SLC6A16: variants seen among roughly 807,000 people sequenced by gnomAD.
The protein encoded by SLC6A16 is solute carrier family 6 member 16, also known as orphan sodium- and chloride-dependent neurotransmitter transporter NTT5.
SLC6A16 carries 54 observed loss-of-function variants against 65.4 expected under a neutral mutation model. The observed-to-expected ratio is 0.83, with a 90% CI of 0.66 to 1.04. SLC6A16 has a LOEUF of 1.04. SLC6A16 is among the 50% of genes least tolerant of loss of function. SLC6A16 has a pLI of 0.00. For synonymous variants in SLC6A16, 330 were observed against 346.5 expected (o/e 0.95, Z 0.53); for missense variants, 816 against 914.0 (o/e 0.89, Z 1.38).
chr19:49,332,029 T>C, the SLC6A16 span: 2 of 452,422 alleles, frequency 4.4e-6, no homozygotes, highest in South Asian at 1.6e-5. Flanking sequence ...ACTTACTACT[T>C]AGAACAACAG....
chr19:49,327,256 G>A (rs1312107921), upstream of SLC6A16, among the ~76,000 whole-genome samples: 3 of 151,744 alleles, frequency 2.0e-5, no homozygotes, highest in Non-Finnish European at 4.4e-5. Context: ...CATATTTTTA[G>A]TAGAGTCAGG....
In SLC6A16 at chr19:49,308,888, C is replaced by T. The variant is rs755520021; in HGVS notation, c.1217G>A (p.Arg406His). The T allele has an allele frequency of 1.1e-5, 18 of 1,614,062 alleles. No homozygotes were observed. The highest frequency in any genetic ancestry group is 5.5e-5 in the South Asian group (5 of 91,078). ...LGFWATVITH[R>H]CCERNAEILL... ...GGGCCGGCCTTACCTCTCACAGCAGCGATGTGTGATGACTGTCGCCCAGAA... is the reference window on the plus strand; with the variant it reads ...GGGCCGGCCTTACCTCTCACAGCAGTGATGTGTGATGACTGTCGCCCAGAA... Residue 406 changes from arginine (R) to histidine (H), a missense_variant, in exon 7 of 12, where the codon CGC becomes CAC. Arg to His is a conservative substitution (Grantham distance 29). Transcript: ENST00000335875.
chr19:49,338,939 G>T, the SLC6A16 span: 1 of 1,610,018 alleles, frequency 6.2e-7, no homozygotes, highest in Non-Finnish European at 8.5e-7. The surrounding 1 kb of genome is among the most constrained non-coding windows in gnomAD (Gnocchi z 5.0). Flanking sequence ...ACCGCGAGGT[G>T]GGCAGGGGTT....
At position 49,293,823 on chromosome 19, in the gene SLC6A16, G is replaced by A; in HGVS notation, c.1618+4C>T. 2.5e-6 allele frequency: 4 copies of A among 1,612,842 alleles called. No homozygotes were observed. The highest frequency in any genetic ancestry group is 3.4e-6 in the Non-Finnish European group (4 of 1,179,036). On this transcript the variant is annotated splice_donor_region_variant and intron_variant, in intron 9 of 11. Transcript: ENST00000335875. ...TGTTAGGAGTAGGGCCTAGGTCAGAGTACCTATGAGCAGCTTTGTATGTTT... is the reference window on the plus strand; with the variant it reads ...TGTTAGGAGTAGGGCCTAGGTCAGAATACCTATGAGCAGCTTTGTATGTTT...
the SLC6A16 span, chr19:49,335,974 CAAT>C: frequency 1.6e-6 from 1 of 619,340 alleles, no homozygotes; most frequent in Non-Finnish European, 2.9e-6. This position sits in a 1 kb window ranked among gnomAD's most constrained non-coding sequence, Gnocchi z 4.6. Context: ...ATACAAACAA[CAAT>C]GATCATGAGA....
rs1327953510 is a variant in SLC6A16 at position 49,310,175 on chromosome 19, C to A, written c.574-9G>T. The stretch of plus-strand genomic sequence containing the variant: ...CCGAGGATGAAGCACACCTGGGGGC[C>A]AAGGAGGATATGGCTGGGGAGGAAG... On this transcript the variant is annotated splice_polypyrimidine_tract_variant and intron_variant, in intron 3 of 11. Coordinates refer to ENST00000335875, the MANE Select transcript of SLC6A16 (RefSeq NM_014037.3). 1 of 1,613,690 alleles carries A rather than the reference C, an allele frequency of 6.2e-7. No homozygotes were observed. The highest frequency in any genetic ancestry group is 8.5e-7 in the Non-Finnish European group (1 of 1,179,966).
intron 1 of SLC6A16, among the ~76,000 whole-genome samples, chr19:49,322,875 A>G (rs1970738082): frequency 7.4e-6 from 1 of 134,380 alleles, no homozygotes; most frequent in African/African-American, 2.7e-5. Context: ...AGAAATAGAA[A>G]AACACGTCCT....
At chr19:49,294,160 C>T (rs1970137690) in intron 8 of SLC6A16, 132 bp from the exon 9 acceptor site, 1 of 920,182 alleles carries the variant, frequency 1.1e-6, no homozygotes, top group African/African-American at 1.7e-5. Context: ...ATCAGATGTC[C>T]AAGCTAACCC....
the SLC6A16 span, chr19:49,339,463 C>T: frequency 1.3e-6 from 2 of 1,574,454 alleles, no homozygotes; most frequent in Admixed American, 1.7e-5. This position sits in a 1 kb window ranked among gnomAD's most constrained non-coding sequence, Gnocchi z 4.5. Flanking sequence ...CCCTAGATGG[C>T]CCTGCCCTTC....
chr19:49,337,345 A>T, the SLC6A16 span: 1 of 967,288 alleles, frequency 1.0e-6, no homozygotes, highest in Non-Finnish European at 1.6e-6. Context: ...AAGAGAAATA[A>T]GAGGCTGGGC....
intron 7 of SLC6A16, among the ~76,000 whole-genome samples, chr19:49,303,296 A>G (rs1030538395): frequency 3.3e-5 from 5 of 152,198 alleles, no homozygotes; most frequent in Non-Finnish European, 7.3e-5. Flanking sequence ...GCAGTCCAGG[A>G]GAGAGTAAGA....
chr19:49,310,019 C>T, intron 4 of SLC6A16, 21 bp downstream of exon 4: 1 of 1,612,102 alleles, frequency 6.2e-7, no homozygotes, highest in Admixed American at 1.7e-5. Context: ...CCCTTCTCCT[C>T]TTCTTTCACT....
intron 1 of SLC6A16, among the ~76,000 whole-genome samples, chr19:49,312,254 A>T (rs575984544): frequency 6.6e-6 from 1 of 152,230 alleles, no homozygotes; most frequent in East Asian, 1.9e-4. Context: ...TTTAATACTA[A>T]ATCTGCCTTG....
At chr19:49,296,136 G>A (rs978540508) in intron 7 of SLC6A16, among the ~76,000 whole-genome samples, 2 of 151,990 alleles carry the variant, frequency 1.3e-5, no homozygotes, top group East Asian at 1.9e-4. Flanking sequence ...ACAGGCGTGC[G>A]CCACCATGCC....
the SLC6A16 span, chr19:49,338,000 G>T: frequency 6.2e-7 from 1 of 1,614,018 alleles, no homozygotes. Flanking sequence ...GACCGCGGCC[G>T]AGGAGAGCTG....
chr19:49,293,901 C>G lies in SLC6A16; in HGVS notation c.1544G>C (p.Gly515Ala), dbSNP rs747286340. Residue 515 changes from glycine (G) to alanine (A), a missense_variant, in exon 9 of 12, where the codon GGG becomes GCG. By Grantham distance (60) the Gly-to-Ala change is moderately conservative. Transcript: ENST00000335875. ...LLAMGLSSAI[G>A]IMQGIITPLQ... ...TGGAGTAATGATGCCCTGCATAATC[C>G]CTATTGCGCTGCTCAGCCCCATGGC... is the stretch of plus-strand genomic sequence containing the variant. 5.6e-6 allele frequency: 9 copies of G among 1,613,740 alleles called. No homozygotes were observed. The African/African-American group carries it at 1.1e-4, about 19-fold the overall frequency.
In SLC6A16 at chr19:49,294,016, G is replaced by T; in HGVS notation, c.1429C>A (p.Pro477Thr). The T allele has an allele frequency of 6.2e-7, 1 of 1,611,584 alleles. No homozygotes were observed. The highest frequency in any genetic ancestry group is 1.7e-5 in the Admixed American group (1 of 60,008). ...ETQFLKASEG[P>T]KFAFLSFVEA... ...ACAAAGGACAGGAATGCAAACTTTG[G>T]GCCCTCGCTAGCCTGCAAAGAGAAC... is the stretch of plus-strand genomic sequence containing the variant. Residue 477 changes from proline to threonine, a missense_variant, in exon 9 of 12, where the codon CCA becomes ACA. Pro to Thr is a conservative substitution (Grantham distance 38). Coordinates refer to ENST00000335875, the MANE Select transcript of SLC6A16 (RefSeq NM_014037.3).
In SLC6A16 at chr19:49,310,086, G is replaced by A. The variant is rs746415503; in HGVS notation, c.654C>T (p.Pro218=). The A allele has an allele frequency of 4.3e-5, 70 of 1,613,926 alleles. No individual in the cohort carries two copies. Among genetic ancestry groups the A allele is most frequent in the Admixed American group, 2.2e-4 (13 of 59,982 alleles). ...IFYMSQSFQF[P]VPWEKCPLTM... ...TTAAGGGACATTTCTCCCATGGAAC[G>A]GGAAACTGGAAGGACTGGCTCATGT... The change falls in exon 4 of 12, where the codon CCC becomes CCT. Residue 218 remains proline (P), a synonymous_variant. Transcript: ENST00000335875.
the SLC6A16 span, among the ~76,000 whole-genome samples, chr19:49,334,666 GTTT>G: frequency 6.6e-6 from 1 of 151,272 alleles, no homozygotes; most frequent in Non-Finnish European, 1.5e-5. Flanking sequence ...CCCTATCTCT[GTTT>G]TTTTTTAATT....
Sources: allele counts gnomAD v4.1 joint callset (sites outside exome capture counted in the v4.1 genomes callset), GRCh38; gene constraint gnomAD v4.1.1; non-coding constraint Gnocchi (gnomAD v3.1); transcripts MANE v1.5; gene names NCBI Gene and HGNC (gene_info 2026-07-23, HGNC 2026-07-21).